Variants in MCF2 observed in about 807,000 individuals in gnomAD.
MCF2 encodes proto-oncogene DBL.
In MCF2, 44 loss-of-function variants were observed where a neutral mutation model predicts 82.5. The observed-to-expected ratio is 0.53, with a 90% confidence interval of 0.42 to 0.69. MCF2 has a LOEUF of 0.69. Ranked by LOEUF, MCF2 falls within the 30% of genes least tolerant of loss-of-function variation. The pLI, the probability that MCF2 is intolerant of heterozygous loss-of-function variation, is 0.00. For missense variants in MCF2, 623 were observed against 663.1 expected (o/e 0.94, Z 0.66); for synonymous variants, 217 against 224.9 (o/e 0.96, Z 0.32).
At chrX:139,629,710 C>A (rs752492766) in exon 4 of MCF2, 2 of 1,207,999 alleles carry the variant, frequency 1.7e-6, no homozygotes, top group Non-Finnish European at 2.2e-6. Context: ...ACAGATGATA[C>A]CTTTCAGCAC....
intron 1 of MCF2, among the ~76,000 whole-genome samples, chrX:139,683,888 A>T (rs1428526686): frequency 3.6e-5 from 4 of 112,425 alleles, no homozygotes; most frequent in African/African-American, 1.3e-4. Flanking sequence ...AGACAAACAC[A>T]TAGTTGTAAT....
intron 16 of MCF2, among the ~76,000 whole-genome samples, chrX:139,602,088 A>G (rs1361221537): frequency 9.0e-6 from 1 of 111,421 alleles, no homozygotes; most frequent in African/African-American, 3.3e-5. Context: ...ATATTTGTAT[A>G]TGTGGTAGTT....
chrX:139,634,606 A>G (rs1688938544), intron 1 of MCF2, among the ~76,000 whole-genome samples: 1 of 112,041 alleles, frequency 8.9e-6, no homozygotes, highest in Admixed American at 9.4e-5. Flanking sequence ...AATAAATTAA[A>G]CAATGATTAT....
rs758436599 is a variant in MCF2, at chrX:139,638,711, A to G, written c.51+3757T>C. 2.7e-5 allele frequency among the ~76,000 whole-genome samples: 3 copies of G among 111,911 alleles called. No individual in the cohort carries two copies. In the South Asian group the frequency reaches 1.1e-3, roughly 42 times the overall value. ...TAAAATGCTGCATACTCTAAACAAAACGCATCTGTGCACTGACAATTTGCA... is the reference window on the plus strand; with the variant it reads ...TAAAATGCTGCATACTCTAAACAAAGCGCATCTGTGCACTGACAATTTGCA... On this transcript the variant is annotated intron_variant, in intron 1 of 24. Coordinates refer to ENST00000370576, the Ensembl canonical transcript of MCF2.
chrX:139,700,934 G>C (rs1935481271), intron 1 of MCF2, among the ~76,000 whole-genome samples: 1 of 111,441 alleles, frequency 9.0e-6, no homozygotes, highest in Admixed American at 9.5e-5. Flanking sequence ...GTGAAGGGTA[G>C]GAGTGAGGCT....
chrX:139,653,023 T>C (rs1246437795), intron 1 of MCF2, among the ~76,000 whole-genome samples: 1 of 112,312 alleles, frequency 8.9e-6, no homozygotes, highest in East Asian at 2.8e-4. Flanking sequence ...AAATATCTAA[T>C]TTGTCAATAC....
At chrX:139,692,485 C>G (rs1284190222) in intron 1 of MCF2, among the ~76,000 whole-genome samples, 2 of 111,848 alleles carry the variant, frequency 1.8e-5, no homozygotes, top group Non-Finnish European at 3.8e-5. Flanking sequence ...CCCACGCCCC[C>G]GCTTAGCCAC....
upstream of MCF2, among the ~76,000 whole-genome samples, chrX:139,644,529 CT>C (rs1425115849): frequency 8.9e-6 from 1 of 112,419 alleles, no homozygotes; most frequent in Non-Finnish European, 1.9e-5. Flanking sequence ...TTAAACACCT[CT>C]GTTAAATAAA....
chrX:139,600,216 A>T (rs1930436720), intron 16 of MCF2, among the ~76,000 whole-genome samples: 1 of 111,541 alleles, frequency 9.0e-6, no homozygotes, highest in Admixed American at 9.6e-5. Context: ...TGATAAAAAC[A>T]TGGTTGTACA....
chrX:139,655,681 C>T (rs1429284651), intron 1 of MCF2, among the ~76,000 whole-genome samples: 4 of 111,330 alleles, frequency 3.6e-5, no homozygotes, highest in African/African-American at 1.3e-4. Flanking sequence ...TCCCCCTTCC[C>T]TCCACCGCAC....
chrX:139,689,938 T>G (rs1007809042), intron 1 of MCF2, among the ~76,000 whole-genome samples: 1 of 112,238 alleles, frequency 8.9e-6, no homozygotes, highest in Non-Finnish European at 1.9e-5. Context: ...GTTCAGAAAG[T>G]TATTTACCAC....
intron 1 of MCF2, among the ~76,000 whole-genome samples, chrX:139,665,319 G>C (rs1045144648): frequency 8.9e-6 from 1 of 111,765 alleles, no homozygotes; most frequent in Non-Finnish European, 1.9e-5. Flanking sequence ...CCATGGCAGC[G>C]AGCTTGCTGG....
chrX:139,595,866 A>AATATCATTGG (rs2148412806), intron 19 of MCF2, among the ~76,000 whole-genome samples: 1 of 111,953 alleles, frequency 8.9e-6, no homozygotes, highest in South Asian at 3.7e-4. Context: ...TGGAGAAACC[A>AATATCATTGG]GCTGTAAGTA....
intron 1 of MCF2, among the ~76,000 whole-genome samples, chrX:139,672,448 G>T (rs1934728758): frequency 8.9e-6 from 1 of 112,120 alleles, no homozygotes; most frequent in Admixed American, 9.4e-5. Flanking sequence ...ATTGGCTGTG[G>T]GTTTATCAAA....
In MCF2 at chrX:139,667,873, T is replaced by C. The variant is rs141941508; in HGVS notation, c.-44-16085A>G. Among the ~76,000 whole-genome samples, 1,057 of 111,999 alleles carry C rather than the reference T, an allele frequency of 9.4e-3. 14 individuals are homozygous for C. The highest frequency in any genetic ancestry group is 0.032 in the African/African-American group (988 of 30,829). The stretch of plus-strand genomic sequence containing the variant: ...CCCAGCTCTAGCAGTGGTAGCATAC[T>C]GCTTGGGCATGCTGGCTCATGCCTG... On this transcript the variant is annotated intron_variant, in intron 1 of 27. Transcript: ENST00000414978.
chrX:139,595,956 T>C (rs1930054498), intron 19 of MCF2, among the ~76,000 whole-genome samples: 1 of 110,307 alleles, frequency 9.1e-6, no homozygotes, highest in African/African-American at 3.3e-5. Context: ...AAATGGGGAT[T>C]TTGTTTATAG....
chrX:139,626,975 A>G lies in MCF2; in HGVS notation c.439-219T>C, dbSNP rs762391633. 1.4e-4 allele frequency among the ~76,000 whole-genome samples: 16 copies of G among 112,361 alleles called. 1 individual carries two copies. The highest frequency in any genetic ancestry group is 2.8e-4 in the Non-Finnish European group (15 of 53,237). ...CAAGAAGCCCTTGCCTTAGAGATGG[A>G]CGTTGCAATTAATGTTTTTATAAGA... On this transcript the variant is annotated intron_variant, in intron 4 of 24. Transcript: ENST00000370576.
At chrX:139,640,270 T>G (rs146575889) in intron 1 of MCF2, among the ~76,000 whole-genome samples, 301 of 112,104 alleles carry the variant, frequency 2.7e-3, no homozygotes, top group African/African-American at 9.4e-3. Flanking sequence ...GTTGAGATGC[T>G]GACAGGCACT....
At chrX:139,593,428 T>C (rs989840452) in intron 19 of MCF2, among the ~76,000 whole-genome samples, 1 of 110,971 alleles carries the variant, frequency 9.0e-6, no homozygotes, top group Admixed American at 9.6e-5. Context: ...CAGGACCAGA[T>C]GGATTCACAG....
Sources: allele counts gnomAD v4.1 joint callset (sites outside exome capture counted in the v4.1 genomes callset), GRCh38; gene constraint gnomAD v4.1.1; transcripts MANE v1.5; gene names NCBI Gene and HGNC (gene_info 2026-07-23, HGNC 2026-07-21).